The following CTNNA2 variants were observed in gnomAD, a reference collection of about 807,000 sequenced individuals.
The protein encoded by CTNNA2 is catenin alpha 2.
In CTNNA2, 42 loss-of-function variants were observed where a neutral mutation model predicts 101.0. The ratio of observed to expected loss-of-function variants is 0.42; its 90% CI spans 0.32 to 0.54. CTNNA2 has a LOEUF of 0.54. CTNNA2 is among the 20% of genes least tolerant of loss of function. The probability of loss-of-function intolerance (pLI) is 0.14; values close to 1 mark genes in which losing one functional copy is unlikely to be tolerated. For synonymous variants in CTNNA2, 450 were observed against 456.4 expected (o/e 0.99, Z 0.18); for missense variants, 871 against 1,223.1 (o/e 0.71, Z 4.29).
intron 18 of CTNNA2, among the ~76,000 whole-genome samples, chr2:80,638,453 G>A (rs912245526): frequency 2.6e-5 from 4 of 152,164 alleles, no homozygotes; most frequent in East Asian, 3.9e-4. Flanking sequence ...TGGGATAAGC[G>A]AGGGTGCTGA....
At chr2:79,574,514 C>A (rs1573381317) in intron 1 of CTNNA2, among the ~76,000 whole-genome samples, 2 of 152,124 alleles carry the variant, frequency 1.3e-5, no homozygotes, top group African/African-American at 4.8e-5. Flanking sequence ...TAATGACCTC[C>A]AGCTCAATCC....
intron 7 of CTNNA2, among the ~76,000 whole-genome samples, chr2:80,258,191 A>G (rs1256781011): frequency 2.0e-5 from 3 of 152,186 alleles, no homozygotes; most frequent in African/African-American, 7.2e-5. Flanking sequence ...TCTTTATGTC[A>G]GCTCTATGTG....
At chr2:80,249,031 T>C (rs1405608416) in intron 7 of CTNNA2, among the ~76,000 whole-genome samples, 1 of 152,112 alleles carries the variant, frequency 6.6e-6, no homozygotes, top group African/African-American at 2.4e-5. Flanking sequence ...AGGGTTTTAG[T>C]AGAAAGAGCC....
intron 4 of CTNNA2, among the ~76,000 whole-genome samples, chr2:79,398,859 A>AAG (rs1678259143): frequency 6.6e-6 from 1 of 151,870 alleles, no homozygotes; most frequent in African/African-American, 2.4e-5. Flanking sequence ...TAAAAAAAAA[A>AAG]AAAGAAAAAA....
rs1156529732 is a variant in CTNNA2 at position 80,059,047 on chromosome 2, A to G, written c.1056+149250A>G. On this transcript the variant is annotated intron_variant, in intron 7 of 18. Coordinates refer to ENST00000402739, the MANE Select transcript of CTNNA2 (RefSeq NM_001282597.3). ...CTTATTCTTTAAAATGTATCAAATT[A>G]TTGTTAATAACACATTTTAAAAATA... Among the ~76,000 whole-genome samples the G allele has an allele frequency of 2.6e-5, 4 of 152,302 alleles. No individual in the cohort carries two copies. In the South Asian group the frequency reaches 8.3e-4, roughly 32 times the overall value.
chr2:79,355,271 T>C (rs1171038925), intron 3 of CTNNA2, among the ~76,000 whole-genome samples: 1 of 152,176 alleles, frequency 6.6e-6, no homozygotes, highest in Non-Finnish European at 1.5e-5. Flanking sequence ...AAAATGACGT[T>C]GGTGATTTGA....
intron 2 of CTNNA2, among the ~76,000 whole-genome samples, chr2:79,233,506 G>C (rs1000378321): frequency 1.3e-5 from 2 of 152,116 alleles, no homozygotes; most frequent in Non-Finnish European, 2.9e-5. Flanking sequence ...TCTGTGTATG[G>C]ATGACAAAAA....
At chr2:79,829,759 G>A (rs1678776151) in intron 3 of CTNNA2, among the ~76,000 whole-genome samples, 1 of 149,254 alleles carries the variant, frequency 6.7e-6, no homozygotes, top group Admixed American at 6.7e-5. Context: ...TCGCTCTGTC[G>A]CCCAGGCTGG....
chr2:79,444,725 C>CA (rs1350505336), intron 4 of CTNNA2, among the ~76,000 whole-genome samples: 1 of 152,060 alleles, frequency 6.6e-6, no homozygotes, highest in Non-Finnish European at 1.5e-5. Context: ...GTATACACAT[C>CA]ATCTGCAATT....
At chr2:80,422,601 T>G (rs1680632419) in intron 9 of CTNNA2, among the ~76,000 whole-genome samples, 1 of 152,160 alleles carries the variant, frequency 6.6e-6, no homozygotes, top group Non-Finnish European at 1.5e-5. Flanking sequence ...TTTAATTAGG[T>G]CAAGCTAGTT....
chr2:79,819,581 A>T (rs1204607455), intron 3 of CTNNA2, among the ~76,000 whole-genome samples: 1 of 152,238 alleles, frequency 6.6e-6, no homozygotes, highest in Admixed American at 6.5e-5. Context: ...ACTATAAGAA[A>T]TTCAAATGGT....
intron 4 of CTNNA2, among the ~76,000 whole-genome samples, chr2:79,387,233 T>A (rs1426630814): frequency 6.6e-6 from 1 of 152,234 alleles, no homozygotes; most frequent in Non-Finnish European, 1.5e-5. Context: ...CTTTCTGCGC[T>A]CTGGGCATGG....
intron 7 of CTNNA2, among the ~76,000 whole-genome samples, chr2:80,279,836 AC>A (rs903342705): frequency 3.3e-5 from 5 of 152,032 alleles, no homozygotes; most frequent in Non-Finnish European, 1.5e-5. Flanking sequence ...TGATTGTCTC[AC>A]CCTGAGGTGG....
chr2:79,541,860 C>T (rs374841653), intron 1 of CTNNA2, among the ~76,000 whole-genome samples: 11 of 151,724 alleles, frequency 7.3e-5, no homozygotes, highest in African/African-American at 1.5e-4. Context: ...CTCTTGACCT[C>T]GTGATTCACC....
Position 80,232,337 on chromosome 2 carries a change from GTTTGTTTGTTTTTTTTTTTTTTTTTTTTT to G in CTNNA2, c.1057-160870_1057-160842del, listed in dbSNP as rs1709273270. Among the ~76,000 whole-genome samples the G allele has an allele frequency of 3.1e-4, 14 of 45,048 alleles. No individual in the cohort carries two copies. In the South Asian group the frequency reaches 7.3e-3, roughly 24 times the overall value. 29.6% of individuals were successfully genotyped at this position (45,048 alleles called of 152,430 possible). ...GAATTTGGGTTTTGTTTGTTTGTTT[GTTTGTTTGTTTTTTTTTTTTTTTTTTTTT>G]TTTTTTTTTTTTTTTTTTTTTTGTT... On this transcript the variant is annotated intron_variant, in intron 7 of 18. Transcript: ENST00000402739.
intron 3 of CTNNA2, among the ~76,000 whole-genome samples, chr2:79,832,343 T>G (rs574682957): frequency 2.6e-4 from 39 of 152,320 alleles, no homozygotes; most frequent in Admixed American, 8.5e-4. Flanking sequence ...TTATAAAGCA[T>G]TTACTAATCC....
At chr2:80,519,121 G>T (rs543044777) in intron 9 of CTNNA2, among the ~76,000 whole-genome samples, 1 of 151,814 alleles carries the variant, frequency 6.6e-6, no homozygotes, top group Admixed American at 6.6e-5. Context: ...TTTCTCTTTT[G>T]TGTGTGTGTG....
chr2:79,306,749 A>G (rs953980103), intron 2 of CTNNA2, among the ~76,000 whole-genome samples: 5 of 152,230 alleles, frequency 3.3e-5, no homozygotes, highest in Non-Finnish European at 7.3e-5. Context: ...ATAGTTTTCA[A>G]GTCCAGTGTT....
intron 7 of CTNNA2, among the ~76,000 whole-genome samples, chr2:80,220,611 A>G (rs372439469): frequency 1.3e-5 from 2 of 152,162 alleles, no homozygotes; most frequent in South Asian, 2.1e-4. Flanking sequence ...GATGGCCTTC[A>G]TGGTTCTGGG....
Sources: gnomAD v4.1 joint callset for allele counts (sites outside exome capture counted in the v4.1 genomes callset) on GRCh38, gnomAD v4.1.1 for gene constraint, MANE v1.5 for transcripts, NCBI Gene and HGNC (gene_info 2026-07-23, HGNC 2026-07-21) for gene names.